ROPN1: variants seen among roughly 807,000 people sequenced by gnomAD.
ROPN1 encodes rhophilin associated tail protein 1, also known as ropporin-1A.
Under a neutral mutation model 20.5 loss-of-function variants are expected in ROPN1, and 14 were observed. The ratio of observed to expected loss-of-function variants is 0.68; its 90% CI spans 0.45 to 1.07. The LOEUF (loss-of-function observed/expected upper bound fraction) is 1.07. ROPN1 is among the 50% of genes least tolerant of loss of function. ROPN1 has a pLI of 0.00. For synonymous variants in ROPN1, 76 were observed against 95.7 expected, an observed-to-expected ratio of 0.79 and a Z score of 1.20; for missense variants, 169 against 242.8, an observed-to-expected ratio of 0.70 and a Z score of 2.02.
chr3:123,980,320 T>C (rs2038111702), intron 2 of ROPN1, 46 bp downstream of exon 2: 5 of 1,596,682 alleles, frequency 3.1e-6, no homozygotes, highest in Non-Finnish European at 4.3e-6. Context: ...GGACCCTCTG[T>C]CTCCGGCCGT....
chr3:123,988,124 T>C (rs2038309529), intron 1 of ROPN1, among the ~76,000 whole-genome samples: 1 of 151,886 alleles, frequency 6.6e-6, no homozygotes. Flanking sequence ...CCCCACACCA[T>C]TTTCATCTTT....
intron 5 of ROPN1, 76 bp from the exon 6 acceptor site, chr3:123,969,297 C>G: frequency 8.7e-7 from 1 of 1,154,160 alleles, no homozygotes. Flanking sequence ...AAACAACTCT[C>G]ATTTCACATT....
chr3:123,970,234 A>C lies in ROPN1; in HGVS notation c.397-17T>G. 3.1e-6 allele frequency: 5 copies of C among 1,604,964 alleles called. No individual in the cohort carries two copies. The highest frequency in any genetic ancestry group is 4.3e-6 in the Non-Finnish European group (5 of 1,172,622). On this transcript the variant is annotated splice_polypyrimidine_tract_variant and intron_variant, in intron 4 of 5. Transcript: ENST00000405845. ...GGTAATAGTCTATAAAAGTTAGATA[A>C]AATGAGGAGAAAGTTACTCTTCCAG...
At chr3:123,978,387 T>G (rs2038068430) in intron 2 of ROPN1, among the ~76,000 whole-genome samples, 1 of 152,184 alleles carries the variant, frequency 6.6e-6, no homozygotes. Context: ...TCCACAGAAG[T>G]GCTGCCCAGG....
At chr3:123,979,870 G>C (rs2038100938) in intron 2 of ROPN1, 1 of 351,798 alleles carries the variant, frequency 2.8e-6, no homozygotes, top group African/African-American at 2.1e-5. Context: ...CAGCAGGGGA[G>C]GAAGTGTCTC....
intron 1 of ROPN1, among the ~76,000 whole-genome samples, chr3:123,986,018 A>AAAAAATTAAAAAAT (rs201340337): frequency 1.1e-5 from 1 of 93,960 alleles, no homozygotes; most frequent in Non-Finnish European, 2.0e-5. Context: ...AAAAAAAAAA[A>AAAAAATTAAAAAAT]TCAAAATATT....
At chr3:123,982,315 G>A (rs2038166645) in intron 1 of ROPN1, among the ~76,000 whole-genome samples, 1 of 152,166 alleles carries the variant, frequency 6.6e-6, no homozygotes, top group Non-Finnish European at 1.5e-5. Context: ...CCATGGAGGA[G>A]TCTCACCATG....
Position 123,976,878 on chromosome 3 carries a change from T to A in ROPN1, c.220A>T (p.Ile74Phe). ...AGGGCCCTTACCTGAGAATGCAGGA[T>A]CTTTAACAGCTCAGGTGTTAGCTCT... is the stretch of plus-strand genomic sequence containing the variant. ...RAELTPELLK[I>F]LHSQVAGRLI... Residue 74 changes from isoleucine (I) to phenylalanine (F), a missense_variant, in exon 3 of 6, where the codon ATC becomes TTC. This residue lies in a region of ROPN1 where 84 missense variants were observed against 99.3 expected (regional missense o/e 0.85). Coordinates refer to ENST00000405845, the MANE Select transcript of ROPN1 (RefSeq NM_001317774.2). 6.2e-7 allele frequency: 1 copy of A among 1,614,020 alleles called. No individual in the cohort carries two copies. Among genetic ancestry groups the A allele is most frequent in the Non-Finnish European group, 8.5e-7 (1 of 1,179,946 alleles).
chr3:123,982,089 CAGAA>C (rs2038161686), intron 1 of ROPN1, among the ~76,000 whole-genome samples: 1 of 152,042 alleles, frequency 6.6e-6, no homozygotes, highest in Non-Finnish European at 1.5e-5. Context: ...AATGAAGACA[CAGAA>C]AGACTCAAGG....
intron 1 of ROPN1, among the ~76,000 whole-genome samples, chr3:123,984,593 T>A (rs946301779): frequency 2.6e-5 from 4 of 152,192 alleles, no homozygotes; most frequent in African/African-American, 9.6e-5. Flanking sequence ...ATCTTCCAAG[T>A]TGCTTTTTAT....
chr3:123,988,367 A>G (rs1233803310), intron 1 of ROPN1, among the ~76,000 whole-genome samples: 1 of 152,166 alleles, frequency 6.6e-6, no homozygotes, highest in Non-Finnish European at 1.5e-5. Flanking sequence ...GCTGACAATC[A>G]GGTCAGAAGG....
In ROPN1 at chr3:123,983,576, C is replaced by T. The variant is rs78548091; in HGVS notation, c.-12-3083G>A. Among the ~76,000 whole-genome samples the T allele has an allele frequency of 1.5e-3, 225 of 152,280 alleles. 2 individuals are homozygous for T. Among genetic ancestry groups the T allele is most frequent in the Non-Finnish European group, 2.5e-3 (170 of 68,018 alleles). On this transcript the variant is annotated intron_variant, in intron 1 of 5. Transcript: ENST00000405845. ...TACTTCATCCCATTGCTGTTTCTAA[C>T]AATTGGTCTGCAAGCTCTTTTCATT...
At chr3:123,971,642 C>G (rs1294905827) in intron 4 of ROPN1, among the ~76,000 whole-genome samples, 5 of 152,146 alleles carry the variant, frequency 3.3e-5, no homozygotes, top group Non-Finnish European at 7.3e-5. Flanking sequence ...GATGGTAAAT[C>G]ATGCATGTGA....
intron 4 of ROPN1, among the ~76,000 whole-genome samples, chr3:123,972,966 C>T (rs2037945178): frequency 1.3e-5 from 2 of 152,168 alleles, no homozygotes; most frequent in African/African-American, 4.8e-5. Context: ...CAGATTTGCT[C>T]TCTGGTGAGG....
At chr3:123,970,401 A>C (rs1436778718) in intron 4 of ROPN1, among the ~76,000 whole-genome samples, 184 bp from the exon 5 acceptor site, 1 of 152,256 alleles carries the variant, frequency 6.6e-6, no homozygotes, top group Non-Finnish European at 1.5e-5. Context: ...AAAAATATTA[A>C]GTATTGGGTA....
chr3:123,991,328 C>A (rs1436288116), intron 1 of ROPN1: 1 of 107,998 alleles, frequency 9.3e-6, no homozygotes, highest in Non-Finnish European at 1.9e-5. Flanking sequence ...AAAATGAATG[C>A]GTGATAGCAG....
chr3:123,978,015 T>G (rs2038059448), intron 2 of ROPN1, among the ~76,000 whole-genome samples: 1 of 152,228 alleles, frequency 6.6e-6, no homozygotes, highest in East Asian at 1.9e-4. Context: ...CCCTGCTTTT[T>G]TCCCTCCATT....
chr3:123,969,860 A>G (rs916838268), intron 5 of ROPN1, among the ~76,000 whole-genome samples, 182 bp downstream of exon 5: 2 of 152,088 alleles, frequency 1.3e-5, no homozygotes, highest in African/African-American at 4.8e-5. Flanking sequence ...GTTTTCCTAT[A>G]TCATTCTTTT....
At chr3:123,989,492 C>G (rs1015470208) in intron 1 of ROPN1, among the ~76,000 whole-genome samples, 1 of 152,214 alleles carries the variant, frequency 6.6e-6, no homozygotes, top group Non-Finnish European at 1.5e-5. Context: ...GGACAGGGCA[C>G]TGGAAGGACT....
Sources: allele counts gnomAD v4.1 joint callset (sites outside exome capture counted in the v4.1 genomes callset), GRCh38; gene constraint gnomAD v4.1.1; regional missense constraint gnomAD v4.1.1; transcripts MANE v1.5; gene names NCBI Gene and HGNC (gene_info 2026-07-23, HGNC 2026-07-21).